Variants in RBM6 observed in about 807,000 individuals in gnomAD.
RBM6 encodes the protein RNA binding motif protein 6.
A neutral mutation model predicts 140.4 loss-of-function variants in RBM6; 23 were observed. That is an observed-to-expected ratio of 0.16 (90% confidence interval 0.12 to 0.23). The LOEUF is 0.23. Ranked by LOEUF, RBM6 falls within the 10% of genes least tolerant of loss-of-function variation. RBM6 has a pLI of 1.00. For missense variants in RBM6, 1,139 were observed against 1,386.7 expected, an observed-to-expected ratio of 0.82 and a Z score of 2.84; for synonymous variants, 439 against 475.6, an observed-to-expected ratio of 0.92 and a Z score of 1.00.
rs1448137791 is a variant in RBM6, at chr3:49,978,821, T to A, written c.1483+3429T>A. Among the ~76,000 whole-genome samples, 3 of 152,344 alleles carry A rather than the reference T, an allele frequency of 2.0e-5. No homozygotes were observed. The East Asian group carries it at 5.8e-4, about 29-fold the overall frequency. ...AATTGTAGATAAGAGATTTTGGACC[T>A]ATATATGTTGTGTATATTTGAATTT... On this transcript the variant is annotated intron_variant, in intron 5 of 20. Coordinates refer to ENST00000266022, the MANE Select transcript of RBM6 (RefSeq NM_005777.3).
chr3:50,019,411 TGTCCTTTTC>T (rs1427953558), intron 6 of RBM6, among the ~76,000 whole-genome samples: 38 of 152,348 alleles, frequency 2.5e-4, no homozygotes, highest in Middle Eastern at 3.4e-3. Flanking sequence ...ATACCTTTTA[TGTCCTTTTC>T]TTGGCTTATT....
At chr3:50,053,117 C>T (rs2089545208) in intron 7 of RBM6, among the ~76,000 whole-genome samples, 1 of 151,788 alleles carries the variant, frequency 6.6e-6, no homozygotes, top group South Asian at 2.1e-4. Flanking sequence ...CTCTCTAGGC[C>T]TCAGTTTCCT....
intron 8 of RBM6, 73 bp from the exon 9 acceptor site, chr3:50,057,655 G>C (rs568667414): frequency 1.8e-4 from 245 of 1,326,644 alleles, no homozygotes; most frequent in Admixed American, 1.1e-3. Flanking sequence ...AGAAATTACA[G>C]TAGCAGTGTT....
chr3:50,074,426 A>G (rs1244367693), intron 19 of RBM6, among the ~76,000 whole-genome samples: 2 of 151,600 alleles, frequency 1.3e-5, no homozygotes, highest in Admixed American at 1.3e-4. Context: ...GGTTCAAGCG[A>G]TTCTCCTGCC....
chr3:50,010,291 A>T (rs544509134), intron 6 of RBM6, among the ~76,000 whole-genome samples: 51 of 152,270 alleles, frequency 3.3e-4, no homozygotes, highest in African/African-American at 1.2e-3. Flanking sequence ...ATTTGTGCTT[A>T]ATCTTTGCAA....
At chr3:50,074,686 A>T (rs1559661398) in intron 19 of RBM6, among the ~76,000 whole-genome samples, 1 of 152,232 alleles carries the variant, frequency 6.6e-6, no homozygotes, top group African/African-American at 2.4e-5. Context: ...ATAATGTTTG[A>T]GACCTTTCTT....
intron 6 of RBM6, among the ~76,000 whole-genome samples, chr3:50,032,344 C>T (rs552645235): frequency 1.3e-4 from 20 of 151,980 alleles, no homozygotes; most frequent in African/African-American, 4.6e-4. Flanking sequence ...ATTAGCTGGG[C>T]GTGGTGGTGC....
intron 1 of RBM6, among the ~76,000 whole-genome samples, chr3:49,954,644 G>A (rs573098991): frequency 6.6e-6 from 1 of 152,038 alleles, no homozygotes; most frequent in Admixed American, 6.6e-5. Flanking sequence ...GTGCCACACT[G>A]TCTTGATTAC....
rs897405236 is a variant in RBM6, at chr3:50,048,314, A to G, written c.1627A>G (p.Lys543Glu). The change falls in exon 7 of 21, where the codon AAA becomes GAA. Residue 543 changes from lysine (K) to glutamate (E), a missense_variant. Transcript: ENST00000266022. ...YVSSLDFWYC[K>E]RCKANIGGHR... is the part of the protein sequence containing the mutation. Reference sequence around the variant, plus strand: ...ATCAAGCCTGGATTTTTGGTACTGCAAACGAGTAAGTACCAAGAATCCCTT... The same window carrying G: ...ATCAAGCCTGGATTTTTGGTACTGCGAACGAGTAAGTACCAAGAATCCCTT... 1 of 1,612,144 alleles carries G rather than the reference A, an allele frequency of 6.2e-7. No individual in the cohort carries two copies. The highest frequency in any genetic ancestry group is 1.3e-5 in the African/African-American group (1 of 74,914).
Position 49,968,438 on chromosome 3 carries a change from A to G in RBM6, c.1013A>G (p.Glu338Gly), listed in dbSNP as rs972734908. Residue 338 changes from glutamate (E) to glycine (G), a missense_variant, in exon 3 of 21, where the codon GAA (glutamate) becomes GGA (glycine). By Grantham distance (98) the Glu-to-Gly change is moderately conservative (BLOSUM62 -2). Around this residue, in one of 9 missense-constraint regions of RBM6, gnomAD observed 566 missense variants for 612.7 expected, o/e 0.92. Transcript: ENST00000266022. ...CAGAAGGGAGAATTTGAGCATTCAG[A>G]AACAAGAGAAGGAGAAACACAAGGT... ...GIQKGEFEHS[E>G]TREGETQGVA... 5 of 1,614,106 alleles carry G rather than the reference A, an allele frequency of 3.1e-6. No individual in the cohort carries two copies. Among genetic ancestry groups the G allele is most frequent in the South Asian group, 2.2e-5 (2 of 91,094 alleles).
chr3:49,966,796 T>A (rs772211476), intron 2 of RBM6, among the ~76,000 whole-genome samples: 1 of 152,048 alleles, frequency 6.6e-6, no homozygotes, highest in Non-Finnish European at 1.5e-5. Context: ...TGGGTAGTTA[T>A]AATAGGACCC....
At chr3:49,953,307 C>T (rs1329457165) in intron 1 of RBM6, among the ~76,000 whole-genome samples, 2 of 151,766 alleles carry the variant, frequency 1.3e-5, no homozygotes, top group Non-Finnish European at 2.9e-5. Context: ...GCAAATTCCA[C>T]CTCCCGGATT....
intron 5 of RBM6, among the ~76,000 whole-genome samples, chr3:49,986,316 C>T (rs904878701): frequency 6.6e-6 from 1 of 151,352 alleles, no homozygotes; most frequent in African/African-American, 2.4e-5. Context: ...TTAAACTGGC[C>T]TGGTGCGGTG....
At chr3:50,008,355 C>T (rs2086681711) in intron 6 of RBM6, among the ~76,000 whole-genome samples, 1 of 151,924 alleles carries the variant, frequency 6.6e-6, no homozygotes, top group South Asian at 2.1e-4. Flanking sequence ...TGGAAATATA[C>T]CTATATGTTT....
At position 50,075,286 on chromosome 3, in the gene RBM6, A is replaced by G. The variant is rs1454210341; in HGVS notation, c.3202A>G (p.Thr1068Ala). The change falls in exon 20 of 21, where the codon ACA becomes GCA. Residue 1068 changes from threonine (T) to alanine (A), a missense_variant. This residue lies in a region of RBM6 where 125 missense variants were observed against 142.0 expected (regional missense o/e 0.88). Transcript: ENST00000266022. Reference sequence around the variant, plus strand: ...ACAGGCTACTGGCTGGAGGAAAGGGACAGGCCTGGGATATGGCCATCCTGG... The same window carrying G: ...ACAGGCTACTGGCTGGAGGAAAGGGGCAGGCCTGGGATATGGCCATCCTGG... ...VQQATGWRKG[T>A]GLGYGHPGLA... is the part of the protein sequence containing the mutation. 1 of 1,614,140 alleles carries G rather than the reference A, an allele frequency of 6.2e-7. No individual in the cohort carries two copies.
At chr3:49,960,273 G>T (rs2084225288) in intron 1 of RBM6, among the ~76,000 whole-genome samples, 1 of 152,176 alleles carries the variant, frequency 6.6e-6, no homozygotes, top group African/African-American at 2.4e-5. Flanking sequence ...GAGGGGGTAG[G>T]GCAAGGTTGA....
chr3:50,011,490 G>A (rs1005626712), intron 6 of RBM6, among the ~76,000 whole-genome samples: 1 of 152,112 alleles, frequency 6.6e-6, no homozygotes, highest in African/African-American at 2.4e-5. Context: ...TCCTGTAATC[G>A]GATGGTTTGT....
rs1384756619 is a variant in RBM6 at position 50,058,311 on chromosome 3, A to G, written c.1970-91A>G. The G allele has an allele frequency of 7.3e-6, 10 of 1,370,316 alleles. No homozygotes were observed. The South Asian group carries it at 8.7e-5, about 12-fold the overall frequency. The allele number at this position is 1,370,316 out of a possible 1,614,324, so 84.9% of individuals were successfully genotyped here. A position where few individuals can be genotyped will look rare whatever the true frequency, so the allele number is the denominator to read the frequency against. ...AGAACCAGCCTTGCTAGTAGCATCT[A>G]TAGTAAAAAATGACAGTCAGATTCT... On this transcript the variant is annotated intron_variant, in intron 9 of 20. Coordinates refer to ENST00000266022, the MANE Select transcript of RBM6 (RefSeq NM_005777.3).
chr3:49,982,262 CT>C (rs751604271), intron 5 of RBM6, among the ~76,000 whole-genome samples: 918 of 68,376 alleles, frequency 0.013, 2 homozygotes, highest in African/African-American at 0.048. Flanking sequence ...CTTTTCTTTT[CT>C]TTTTTTTTTT....
Sources: allele counts gnomAD v4.1 joint callset (sites outside exome capture counted in the v4.1 genomes callset), GRCh38; gene constraint gnomAD v4.1.1; regional missense constraint gnomAD v4.1.1; transcripts MANE v1.5; gene names NCBI Gene and HGNC (gene_info 2026-07-23, HGNC 2026-07-21).